STRN: variants seen among roughly 807,000 people sequenced by gnomAD.
STRN encodes the protein striatin.
Under a neutral mutation model 96.3 loss-of-function variants are expected in STRN, and 53 were observed. The ratio of observed to expected loss-of-function variants is 0.55; its 90% CI spans 0.44 to 0.69. STRN has a LOEUF of 0.69. STRN is among the 30% of genes least tolerant of loss of function. The pLI, the probability that STRN is intolerant of heterozygous loss-of-function variation, is 0.00. For synonymous variants in STRN, 428 were observed against 355.9 expected, an observed-to-expected ratio of 1.20 and a Z score of -2.28; for missense variants, 987 against 963.9, an observed-to-expected ratio of 1.02 and a Z score of -0.32.
intron 7 of STRN, among the ~76,000 whole-genome samples, chr2:36,892,208 C>T (rs12624290): frequency 0.083 from 12,550 of 152,086 alleles, 825 homozygotes; most frequent in African/African-American, 0.18. Flanking sequence ...GGGAGCTAAA[C>T]AGTAGGCACT....
chr2:36,860,989 A>C, intron 13 of STRN, 143 bp downstream of exon 13: 2 of 964,124 alleles, frequency 2.1e-6, no homozygotes, highest in Non-Finnish European at 2.9e-6. Context: ...CTAAATACAG[A>C]AGTCCTTTTT....
intron 1 of STRN, among the ~76,000 whole-genome samples, chr2:36,926,380 G>C (rs111586153): frequency 6.6e-6 from 1 of 152,086 alleles, no homozygotes; most frequent in Non-Finnish European, 1.5e-5. Flanking sequence ...ATTCTCACAT[G>C]TACCACCACG....
At chr2:36,948,437 C>T (rs1215842634) in intron 1 of STRN, among the ~76,000 whole-genome samples, 1 of 152,094 alleles carries the variant, frequency 6.6e-6, no homozygotes, top group African/African-American at 2.4e-5. Context: ...AAGGTATCAT[C>T]TATTTTTTTT....
In STRN at chr2:36,845,641, T is replaced by TG. The variant is rs1668049366; in HGVS notation, c.*3814dup. On this transcript the variant is annotated 3_prime_UTR_variant, in exon 18 of 18. Transcript: ENST00000263918. ...ATTACATTTACTTAGCCAACATTAA[T>TG]GAGATCCCATAATTTTGGTGAACAA... is the stretch of plus-strand genomic sequence containing the variant. The TG allele has an allele frequency of 6.6e-6, 1 of 152,122 alleles. No individual in the cohort carries two copies. The highest frequency in any genetic ancestry group is 1.5e-5 in the Non-Finnish European group (1 of 68,026). The allele number at this position is 152,122 out of a possible 1,614,324, so 9.4% of individuals were successfully genotyped here.
In STRN at chr2:36,940,208, A is replaced by G. The variant is rs77512176; in HGVS notation, c.235-15000T>C. Among the ~76,000 whole-genome samples the G allele has an allele frequency of 5.9e-3, 905 of 152,352 alleles. 13 individuals are homozygous for G. The highest frequency in any genetic ancestry group is 0.057 in the East Asian group (295 of 5,182). ...AACATATTCAAATGAGGCATTTTATATAAGATGTACTTCGAAGGAAAAGTA... is the reference window on the plus strand; with the variant it reads ...AACATATTCAAATGAGGCATTTTATGTAAGATGTACTTCGAAGGAAAAGTA... On this transcript the variant is annotated intron_variant, in intron 1 of 17. Transcript: ENST00000263918.
At chr2:36,914,962 C>T (rs1424821526) in intron 3 of STRN, among the ~76,000 whole-genome samples, 1 of 151,534 alleles carries the variant, frequency 6.6e-6, no homozygotes, top group Non-Finnish European at 1.5e-5. Flanking sequence ...TTTGGGAGGC[C>T]GAGGGGGGGC....
intron 10 of STRN, among the ~76,000 whole-genome samples, chr2:36,871,162 ATTT>A (rs1668753947): frequency 6.6e-6 from 1 of 152,116 alleles, no homozygotes; most frequent in South Asian, 2.1e-4. Flanking sequence ...ACTGAAGAAA[ATTT>A]TTTATATATA....
Position 36,869,533 on chromosome 2 carries a change from G to A in STRN, c.1499+21C>T, listed in dbSNP as rs766523030. On this transcript the variant is annotated intron_variant, in intron 11 of 17. Coordinates refer to ENST00000263918, the MANE Select transcript of STRN (RefSeq NM_003162.4). ...ATGTTACTTAAAATATTCAAATAAT[G>A]TTAAAGTAGAATATTCTCACTTTTT... 13 of 1,478,128 alleles carry A rather than the reference G, an allele frequency of 8.8e-6. No individual in the cohort carries two copies. The South Asian group carries it at 1.7e-4, about 19-fold the overall frequency. The allele number at this position is 1,478,128 out of a possible 1,614,324, so 91.6% of individuals were successfully genotyped here.
chr2:36,897,852 A>T (rs1669586240), intron 6 of STRN, among the ~76,000 whole-genome samples: 1 of 152,044 alleles, frequency 6.6e-6, no homozygotes. Flanking sequence ...CACATGGCTA[A>T]TTAAAAAAAA....
At position 36,886,734 on chromosome 2, in the gene STRN, C is replaced by A. The variant is rs1373915833; in HGVS notation, c.1024G>T (p.Gly342Trp). The change falls in exon 8 of 18, where the codon GGG becomes TGG. Residue 342 changes from glycine (G) to tryptophan (W), a missense_variant. By Grantham distance (184) the Gly-to-Trp change is radical (BLOSUM62 -2). Coordinates refer to ENST00000263918, the MANE Select transcript of STRN (RefSeq NM_003162.4). The stretch of plus-strand genomic sequence containing the variant: ...CACTTACTCTTCACCCCCTTTTTCC[C>A]CTTTCTCTCCTTTTTGTATTGTTCC... ...LKEQYKKERKGKKGVKRPNRS... is the reference protein window; with the variant it reads ...LKEQYKKERKWKKGVKRPNRS... 1 of 1,608,340 alleles carries A rather than the reference C, an allele frequency of 6.2e-7. No individual in the cohort carries two copies. The highest frequency in any genetic ancestry group is 1.3e-5 in the African/African-American group (1 of 74,458).
At chr2:36,861,864 C>T (rs1420563865) in intron 12 of STRN, among the ~76,000 whole-genome samples, 1 of 151,920 alleles carries the variant, frequency 6.6e-6, no homozygotes, top group African/African-American at 2.4e-5. Flanking sequence ...CATATTATTC[C>T]CTCACTCAGG....
chr2:36,924,216 C>T (rs374017604), intron 2 of STRN, among the ~76,000 whole-genome samples: 3 of 152,012 alleles, frequency 2.0e-5, no homozygotes, highest in Admixed American at 1.3e-4. Context: ...ATTAGCCAGG[C>T]GTGGTGGCGG....
chr2:36,849,576 G>A lies in STRN; in HGVS notation c.2223C>T (p.Ile741=). ...TTTTTCGATGAGCTGTGAATTCTTG[G>A]ATACACGTCTTACTTTCTAGATTCC... ...RLWNLESKTC[I]QEFTAHRKKF... is the part of the protein sequence containing the mutation. The change falls in exon 18 of 18, where the codon ATC becomes ATT. Residue 741 remains isoleucine (I), a synonymous_variant. Transcript: ENST00000263918. 1 of 1,613,998 alleles carries A rather than the reference G, an allele frequency of 6.2e-7. No individual in the cohort carries two copies. The highest frequency in any genetic ancestry group is 1.3e-5 in the African/African-American group (1 of 74,976).
intron 1 of STRN, among the ~76,000 whole-genome samples, chr2:36,957,747 T>TTG (rs1664927677): frequency 5.4e-5 from 4 of 74,722 alleles, no homozygotes; most frequent in African/African-American, 2.9e-4. Flanking sequence ...TTTTTGTCTT[T>TTG]TTTTTTTTTT....
chr2:36,907,947 G>C (rs1669865391), intron 3 of STRN, among the ~76,000 whole-genome samples: 1 of 151,622 alleles, frequency 6.6e-6, no homozygotes, highest in African/African-American at 2.4e-5. Flanking sequence ...ACTCCAAAAA[G>C]AAGCTAATTA....
chr2:36,865,883 G>A (rs1668609534), intron 12 of STRN, among the ~76,000 whole-genome samples: 1 of 152,034 alleles, frequency 6.6e-6, no homozygotes. Flanking sequence ...TGATGTGGGT[G>A]TTTAGCACCA....
intron 2 of STRN, among the ~76,000 whole-genome samples, chr2:36,924,355 CAAA>C (rs143310395): frequency 2.9e-5 from 3 of 103,316 alleles, no homozygotes; most frequent in Admixed American, 1.1e-4. Flanking sequence ...GACTCCGTTT[CAAA>C]AAAAAAAAAA....
chr2:36,874,480 T>C (rs1245119736), intron 10 of STRN, among the ~76,000 whole-genome samples: 1 of 151,944 alleles, frequency 6.6e-6, no homozygotes, highest in Non-Finnish European at 1.5e-5. Context: ...GCTAGAGTGG[T>C]ACTCGAAGAG....
chr2:36,899,841 C>G (rs1301458508), intron 5 of STRN, among the ~76,000 whole-genome samples, 183 bp from the exon 6 acceptor site: 2 of 152,146 alleles, frequency 1.3e-5, no homozygotes, highest in African/African-American at 4.8e-5. Context: ...GAAGTGGATA[C>G]TCTTTAAGTA....
Sources: allele counts gnomAD v4.1 joint callset (sites outside exome capture counted in the v4.1 genomes callset), GRCh38; gene constraint gnomAD v4.1.1; transcripts MANE v1.5; gene names NCBI Gene and HGNC (gene_info 2026-07-23, HGNC 2026-07-21).